TNNC2: variants seen among roughly 807,000 people sequenced by gnomAD.
The protein encoded by TNNC2 is troponin C, skeletal muscle.
In TNNC2, 14 loss-of-function variants were observed where a neutral mutation model predicts 20.0. That is an observed-to-expected ratio of 0.70 (90% CI 0.46 to 1.09). TNNC2 has a LOEUF of 1.09. Among genes scored for constraint, TNNC2 ranks in the 50% least tolerant of loss-of-function variants. The pLI, the probability that TNNC2 is intolerant of heterozygous loss-of-function variation, is 0.00. For synonymous variants in TNNC2, 81 were observed against 77.3 expected (o/e 1.05, Z -0.25); for missense variants, 163 against 223.8 (o/e 0.73, Z 1.73).
At chr20:45,829,168 T>G (rs1477913840), upstream of TNNC2, among the ~76,000 whole-genome samples, 36 of 147,866 alleles carry the variant, frequency 2.4e-4, no homozygotes, top group Non-Finnish European at 4.8e-4. Context: ...TGGTTTTTTT[T>G]TTTTTTTTTT....
chr20:45,829,459 C>T (rs527605226), upstream of TNNC2, among the ~76,000 whole-genome samples: 4 of 151,930 alleles, frequency 2.6e-5, no homozygotes, highest in South Asian at 8.3e-4. Context: ...CTACCACACC[C>T]GGCAAATTTT....
chr20:45,824,711 C>G, intron 2 of TNNC2, 72 bp downstream of exon 2: 1 of 1,597,186 alleles, frequency 6.3e-7, no homozygotes, highest in Admixed American at 1.7e-5. Context: ...CCCCCAACCC[C>G]CACCCTGCCT....
At chr20:45,828,747 A>G (rs1209641142), upstream of TNNC2, among the ~76,000 whole-genome samples, 1 of 152,128 alleles carries the variant, frequency 6.6e-6, no homozygotes, top group African/African-American at 2.4e-5. Context: ...GTGGACAGAA[A>G]GAGCACCAAG....
chr20:45,829,073 T>C (rs1198444006), upstream of TNNC2, among the ~76,000 whole-genome samples: 8 of 151,886 alleles, frequency 5.3e-5, no homozygotes, highest in Admixed American at 1.3e-4. Context: ...CTCCGCCTCC[T>C]AGGTTCAAGT....
At position 45,827,201 on chromosome 20, in the gene TNNC2, G is replaced by A. The variant is rs17526549; in HGVS notation, c.3+45C>T. ...CCAGGCCTGGCCTGAAAGGGGTCCA[G>A]AGTGCTCCCGTGAGTAAAGGCACAA... On this transcript the variant is annotated intron_variant, in intron 1 of 5. Transcript: ENST00000372555. 5 of 1,613,880 alleles carry A rather than the reference G, an allele frequency of 3.1e-6. No homozygotes were observed. The African/African-American group carries it at 5.3e-5, about 17-fold the overall frequency.
chr20:45,827,335 G>A (rs925068489), upstream of TNNC2: 13 of 1,566,802 alleles, frequency 8.3e-6, no homozygotes, highest in African/African-American at 5.4e-5. Flanking sequence ...TCTAGCCCCC[G>A]GGATTTGTAG....
At chr20:45,830,169 C>T (rs527455265), upstream of TNNC2, among the ~76,000 whole-genome samples, 2 of 151,166 alleles carry the variant, frequency 1.3e-5, no homozygotes, top group Admixed American at 6.6e-5. Context: ...CCTGTCTCTA[C>T]TAAAAATACA....
chr20:45,824,160 G>A, intron 4 of TNNC2, 33 bp from the exon 5 acceptor site: 1 of 1,609,044 alleles, frequency 6.2e-7, no homozygotes, highest in Non-Finnish European at 8.5e-7. Flanking sequence ...AGGGCTCAGG[G>A]CCGGGGCGAG....
At chr20:45,824,706 A>ACCCCCCCCC in intron 2 of TNNC2, 68 bp from the exon 3 acceptor site, 62 of 589,384 alleles carry the variant, frequency 1.1e-4, no homozygotes, top group Middle Eastern at 4.2e-4. Flanking sequence ...ACCCCCCCCC[A>ACCCCCCCCC]ACCCCCACCC....
rs576237424 is a variant in TNNC2 at position 45,824,908 on chromosome 20, C to T, written c.4-74G>A. On this transcript the variant is annotated intron_variant, in intron 1 of 5. Transcript: ENST00000372555. The stretch of plus-strand genomic sequence containing the variant: ...AGTTCCTCACCTCAAAGCCATTCTT[C>T]CCAACCCCCACTCTGTCAGCGCCCT... 3.9e-4 allele frequency: 595 copies of T among 1,542,994 alleles called. 3 individuals are homozygous for T. The African/African-American group carries it at 7.4e-3, about 19-fold the overall frequency.
At chr20:45,827,354 T>C, upstream of TNNC2, 3 of 1,478,470 alleles carry the variant, frequency 2.0e-6, no homozygotes, top group Non-Finnish European at 2.8e-6. Context: ...AGGGGCACCC[T>C]CCCCTCCCAC....
chr20:45,826,735 G>A (rs1042643770), intron 1 of TNNC2, among the ~76,000 whole-genome samples: 3 of 152,294 alleles, frequency 2.0e-5, no homozygotes, highest in South Asian at 2.1e-4. Context: ...CTAGGAGAGC[G>A]GAGTCTCTCT....
intron 4 of TNNC2, 51 bp from the exon 5 acceptor site, chr20:45,824,178 G>A: frequency 6.2e-7 from 1 of 1,604,460 alleles, no homozygotes; most frequent in Non-Finnish European, 8.5e-7. Flanking sequence ...GAGCTGCCCT[G>A]GCCACCACAC....
In TNNC2 at chr20:45,823,962, G is replaced by T. The variant is rs1325422131; in HGVS notation, c.451+29C>A. ...CCGCCGTCCTCTGGGGCTCCCACCCGCTCTTCCCAAGCTCCCGTTGGCCCT... is the reference window on the plus strand; with the variant it reads ...CCGCCGTCCTCTGGGGCTCCCACCCTCTCTTCCCAAGCTCCCGTTGGCCCT... On this transcript the variant is annotated intron_variant, in intron 5 of 5. Transcript: ENST00000372555. The surrounding 1 kb of genome is among the most constrained non-coding windows in gnomAD (Gnocchi z 4.6). 2 of 1,613,132 alleles carry T rather than the reference G, an allele frequency of 1.2e-6. No individual in the cohort carries two copies. Among genetic ancestry groups the T allele is most frequent in the East Asian group, 2.2e-5 (1 of 44,874 alleles).
upstream of TNNC2, among the ~76,000 whole-genome samples, chr20:45,831,225 G>A (rs566079728): frequency 6.6e-6 from 1 of 152,138 alleles, no homozygotes; most frequent in Non-Finnish European, 1.5e-5. Context: ...GTTTGAGGCT[G>A]CAGTGAGCTA....
upstream of TNNC2, among the ~76,000 whole-genome samples, chr20:45,828,197 CTT>C (rs10630967): frequency 0.014 from 1,962 of 142,308 alleles, 46 homozygotes; most frequent in African/African-American, 0.047. Context: ...CCACCCCTGG[CTT>C]TTTTTTTTTT....
chr20:45,829,159 G>GT (rs1983047228), upstream of TNNC2, among the ~76,000 whole-genome samples: 1 of 113,748 alleles, frequency 8.8e-6, no homozygotes, highest in African/African-American at 3.1e-5. Context: ...TTTTGTTTTT[G>GT]GTTTTTTTTT....
intron 1 of TNNC2, 136 bp downstream of exon 1, chr20:45,827,110 A>G (rs1484664315): frequency 3.6e-6 from 4 of 1,098,992 alleles, no homozygotes; most frequent in Non-Finnish European, 5.4e-6. Flanking sequence ...TTCCTCCAAG[A>G]CACCTGGGTT....
intron 2 of TNNC2, among the ~76,000 whole-genome samples, chr20:45,832,385 A>G (rs559675552): frequency 6.6e-6 from 1 of 152,330 alleles, no homozygotes; most frequent in South Asian, 2.1e-4. Flanking sequence ...TCTATTTCCC[A>G]GATGTGGATC....
Sources: gnomAD v4.1 joint callset for allele counts (sites outside exome capture counted in the v4.1 genomes callset) on GRCh38, gnomAD v4.1.1 for gene constraint, Gnocchi (gnomAD v3.1) non-coding constraint, MANE v1.5 for transcripts, NCBI Gene and HGNC (gene_info 2026-07-23, HGNC 2026-07-21) for gene names.